The following CBR4 variants were observed in gnomAD, a reference collection of about 807,000 sequenced individuals.
The protein encoded by CBR4 is 3-oxoacyl-[acyl-carrier-protein] reductase.
Under a neutral mutation model 21.0 loss-of-function variants are expected in CBR4, and 22 were observed. The observed-to-expected ratio is 1.05, with a 90% CI of 0.75 to 1.50. CBR4 has a LOEUF of 1.50. Ranked by LOEUF, CBR4 falls within the 40% of genes most tolerant of loss-of-function variation. The probability of loss-of-function intolerance (pLI) is 0.00; values close to 1 mark genes in which losing one functional copy is unlikely to be tolerated. For missense variants in CBR4, 302 were observed against 286.3 expected (o/e 1.05, Z -0.40); for synonymous variants, 100 against 104.4 (o/e 0.96, Z 0.26).
chr4:168,959,758 T>C (rs1269074584), intron 2 of CBR4, among the ~76,000 whole-genome samples: 2 of 151,758 alleles, frequency 1.3e-5, no homozygotes, highest in Non-Finnish European at 2.9e-5. Flanking sequence ...AGAGATGGGG[T>C]TTCACCTTGT....
chr4:169,010,009 GT>G lies in CBR4; in HGVS notation c.80del (p.Tyr27SerfsTer48), dbSNP rs1731284480. On this transcript the variant is annotated frameshift_variant, in exon 1 of 5. Transcript: ENST00000306193. LOFTEE classifies it high-confidence loss of function. ...AVAQLMARKG[Y>X]RLAVIARNLE... Reference sequence around the variant, plus strand: ...GGTTTCTGGCAATGACCGCCAGTCGGTAGCCTTTCCGGGCCATTAACTGGGC... The same window carrying G: ...GGTTTCTGGCAATGACCGCCAGTCGGAGCCTTTCCGGGCCATTAACTGGGC... 6.2e-7 allele frequency: 1 copy of G among 1,613,846 alleles called. No homozygotes were observed. The highest frequency in any genetic ancestry group is 8.5e-7 in the Non-Finnish European group (1 of 1,179,936).
rs768446303 is a variant in CBR4 at position 168,988,186 on chromosome 4, G to A, written c.*1964C>T. ...AATTCTACTAGGTCAGTGGGAGTGGGCGGATTCACCTGGAGTGGAGCAGTG... is the reference window on the plus strand; with the variant it reads ...AATTCTACTAGGTCAGTGGGAGTGGACGGATTCACCTGGAGTGGAGCAGTG... On this transcript the variant is annotated 3_prime_UTR_variant, in exon 5 of 5. Coordinates refer to ENST00000306193, the MANE Select transcript of CBR4 (RefSeq NM_032783.5). The A allele has an allele frequency of 1.8e-5, 18 of 985,272 alleles. No homozygotes were observed. The highest frequency in any genetic ancestry group is 2.0e-5 in the Non-Finnish European group (17 of 829,890). 61.0% of individuals were successfully genotyped at this position (985,272 alleles called of 1,614,324 possible). A position where few individuals can be genotyped will look rare whatever the true frequency, so the allele number is the denominator to read the frequency against.
chr4:168,941,836 A>G (rs1763272150), intron 2 of CBR4, among the ~76,000 whole-genome samples: 2 of 152,180 alleles, frequency 1.3e-5, no homozygotes, highest in Non-Finnish European at 2.9e-5. Flanking sequence ...GCTTTTTTAT[A>G]TAGTTAGTTG....
At chr4:169,004,531 A>G (rs1730737927) in intron 3 of CBR4, among the ~76,000 whole-genome samples, 1 of 152,294 alleles carries the variant, frequency 6.6e-6, no homozygotes, top group East Asian at 1.9e-4. Flanking sequence ...ATCCTTTGTC[A>G]TTTCAACAGT....
intron 2 of CBR4, among the ~76,000 whole-genome samples, chr4:168,972,218 C>T (rs1252658722): frequency 6.6e-6 from 1 of 152,138 alleles, no homozygotes; most frequent in Non-Finnish European, 1.5e-5. Context: ...TAATGTGATG[C>T]CTCCAGATTT....
In CBR4 at chr4:168,954,767, C is replaced by T. The variant is rs569044543; in HGVS notation, n.169+47304G>A. 5.3e-5 allele frequency among the ~76,000 whole-genome samples: 8 copies of T among 152,216 alleles called. No individual in the cohort carries two copies. The East Asian group carries it at 9.6e-4, about 18-fold the overall frequency. On this transcript the variant is annotated intron_variant and non_coding_transcript_variant, in intron 2 of 3. Coordinates refer to the CBR4 transcript ENST00000509108. ...GAGATCCATGGAAGAGAGGATCCAA[C>T]GTATTAGATAGGCAAAGAAAATCCA...
At position 168,897,296 on chromosome 4, in the gene CBR4, T is replaced by G. The variant is rs554785511; in HGVS notation, n.170-2531A>C. Among the ~76,000 whole-genome samples, 3 of 152,380 alleles carry G rather than the reference T, an allele frequency of 2.0e-5. No homozygotes were observed. The East Asian group carries it at 5.8e-4, about 29-fold the overall frequency. On this transcript the variant is annotated intron_variant and non_coding_transcript_variant, in intron 2 of 3. Coordinates refer to the CBR4 transcript ENST00000509108. ...GCAAAACAACTTGTGGTATAACTCTTGCAGTTTTATTCATACTGTTGTATT... is the reference window on the plus strand; with the variant it reads ...GCAAAACAACTTGTGGTATAACTCTGGCAGTTTTATTCATACTGTTGTATT...
intron 4 of CBR4, chr4:169,001,702 T>G (rs1286551089): frequency 6.5e-6 from 1 of 154,146 alleles, no homozygotes; most frequent in East Asian, 1.9e-4. Flanking sequence ...GCTATCCCCA[T>G]ATGACTTGGC....
chr4:168,955,794 G>C (rs72704255), intron 2 of CBR4, among the ~76,000 whole-genome samples: 13,563 of 152,214 alleles, frequency 0.089, 719 homozygotes, highest in Middle Eastern at 0.2. Flanking sequence ...TATGGGCCTA[G>C]AGCATAAAAG....
Position 168,918,711 on chromosome 4 carries a change from C to T in CBR4, n.170-23946G>A, listed in dbSNP as rs577913811. Reference sequence around the variant, plus strand: ...TACTACAAAAAAAAATGAAGTCATACATATGTTAATCAGCTCAGTTTAGGT... The same window carrying T: ...TACTACAAAAAAAAATGAAGTCATATATATGTTAATCAGCTCAGTTTAGGT... On this transcript the variant is annotated intron_variant and non_coding_transcript_variant, in intron 2 of 3. Transcript: ENST00000509108. 2.4e-4 allele frequency among the ~76,000 whole-genome samples: 37 copies of T among 152,162 alleles called. No individual in the cohort carries two copies. In the South Asian group the frequency reaches 7.1e-3, roughly 29 times the overall value.
At chr4:168,902,706 A>G (rs1756798255) in intron 2 of CBR4, among the ~76,000 whole-genome samples, 1 of 152,182 alleles carries the variant, frequency 6.6e-6, no homozygotes, top group Non-Finnish European at 1.5e-5. Context: ...TTTGTTTAAA[A>G]GTGAGGGAAG....
intron 2 of CBR4, among the ~76,000 whole-genome samples, chr4:168,904,944 T>C (rs1230604937): frequency 6.6e-6 from 1 of 151,746 alleles, no homozygotes; most frequent in East Asian, 2.0e-4. Context: ...CTGGCCAACA[T>C]GGCGAAACCC....
At chr4:169,007,110 C>T (rs1730972622) in intron 2 of CBR4, among the ~76,000 whole-genome samples, 2 of 152,148 alleles carry the variant, frequency 1.3e-5, no homozygotes, top group African/African-American at 2.4e-5. Flanking sequence ...GTTGCTACCC[C>T]TTCTCAGCTT....
chr4:168,990,323 C>T lies in CBR4; in HGVS notation c.541G>A (p.Val181Ile). The T allele has an allele frequency of 6.3e-7, 1 of 1,598,520 alleles. No homozygotes were observed. Among genetic ancestry groups the T allele is most frequent in the Non-Finnish European group, 8.5e-7 (1 of 1,172,006 alleles). Residue 181 changes from valine to isoleucine, a missense_variant, in exon 5 of 5, where the codon GTA becomes ATA. Coordinates refer to ENST00000306193, the MANE Select transcript of CBR4 (RefSeq NM_032783.5). ...IRVNVVAPGF[V>I]HTDMTKDLKE... ...AAGTCTTTCGTCATATCTGTGTGTACAAATCCTAAAAGAGAAATGTTTGTT... is the reference window on the plus strand; with the variant it reads ...AAGTCTTTCGTCATATCTGTGTGTATAAATCCTAAAAGAGAAATGTTTGTT...
At chr4:169,009,059 CAA>C (rs34403282) in intron 1 of CBR4, 13,421 of 349,086 alleles carry the variant, frequency 0.038, no homozygotes, top group East Asian at 0.058. Flanking sequence ...GAAGCCCTCT[CAA>C]AAAAAAAAAA....
At chr4:168,923,279 C>T (rs1761940930) in intron 2 of CBR4, among the ~76,000 whole-genome samples, 3 of 152,194 alleles carry the variant, frequency 2.0e-5, no homozygotes, top group South Asian at 4.1e-4. Flanking sequence ...CTAACTAACT[C>T]GTGGTGTTGG....
intron 2 of CBR4, among the ~76,000 whole-genome samples, chr4:168,923,291 G>C (rs1253874012): frequency 6.6e-6 from 1 of 152,226 alleles, no homozygotes; most frequent in African/African-American, 2.4e-5. Context: ...TGGTGTTGGA[G>C]AGTATTAAGC....
downstream of CBR4, among the ~76,000 whole-genome samples, chr4:168,985,078 T>C (rs549578795): frequency 1.3e-5 from 2 of 152,150 alleles, no homozygotes; most frequent in South Asian, 2.1e-4. Flanking sequence ...AGTTTCTGCA[T>C]AGCAAAAGAA....
At chr4:168,983,442 G>C (rs1025232261), downstream of CBR4, among the ~76,000 whole-genome samples, 5 of 151,926 alleles carry the variant, frequency 3.3e-5, no homozygotes, top group African/African-American at 1.2e-4. Context: ...GCTAGAAAAA[G>C]CCCTGGACAA....
Sources: allele counts gnomAD v4.1 joint callset (sites outside exome capture counted in the v4.1 genomes callset), GRCh38; gene constraint gnomAD v4.1.1; transcripts MANE v1.5; gene names NCBI Gene and HGNC (gene_info 2026-07-23, HGNC 2026-07-21).